Variants in ANK2 observed in about 807,000 individuals in gnomAD.
ANK2 encodes ankyrin-2.
A neutral mutation model predicts 360.5 loss-of-function variants in ANK2; 83 were observed. That is an observed-to-expected ratio of 0.23 (90% CI 0.19 to 0.28). The LOEUF is 0.28. Ranked by LOEUF, ANK2 falls within the 10% of genes least tolerant of loss-of-function variation. The pLI is 1.00. For missense variants in ANK2, 4,201 were observed against 4,795.7 expected (o/e 0.88, Z 3.66); for synonymous variants, 1,740 against 1,759.5 (o/e 0.99, Z 0.28).
chr4:113,016,008 A>G (rs1163748286), intron 2 of ANK2, among the ~76,000 whole-genome samples: 1 of 152,134 alleles, frequency 6.6e-6, no homozygotes, highest in Non-Finnish European at 1.5e-5. Flanking sequence ...GAAAATTCTC[A>G]TATGGCTTTT....
At chr4:113,325,870 C>G (rs2089536363) in intron 26 of ANK2, among the ~76,000 whole-genome samples, 1 of 152,142 alleles carries the variant, frequency 6.6e-6, no homozygotes, top group South Asian at 2.1e-4. Context: ...CCAGGTGAGG[C>G]TTCAATCTTA....
At chr4:112,845,640 G>A (rs890278871) in intron 1 of ANK2, among the ~76,000 whole-genome samples, 5 of 152,292 alleles carry the variant, frequency 3.3e-5, no homozygotes, top group East Asian at 3.9e-4. Context: ...GATGGAAATC[G>A]TGTGTCTTCT....
At chr4:113,365,291 G>T in intron 41 of ANK2, 109 bp downstream of exon 41, 1 of 1,163,378 alleles carries the variant, frequency 8.6e-7, no homozygotes. Flanking sequence ...TTTTTCAGAA[G>T]GTAGACCATG....
chr4:113,325,987 G>A lies in ANK2; in HGVS notation c.2901-4259G>A, dbSNP rs114480292. Among the ~76,000 whole-genome samples, 233 of 152,144 alleles carry A rather than the reference G, an allele frequency of 1.5e-3. 1 individual carries two copies. Among genetic ancestry groups the A allele is most frequent in the Non-Finnish European group, 2.9e-3 (195 of 67,994 alleles). On this transcript the variant is annotated intron_variant, in intron 26 of 45. Coordinates refer to ENST00000357077, the MANE Select transcript of ANK2 (RefSeq NM_001148.6). ...TTATTTTCATCTCCAAATGTTTATG[G>A]GGATTATCTTGTCCCATTTTTAATC...
chr4:113,249,917 A>G (rs1465422010), intron 10 of ANK2, 55 bp downstream of exon 10: 1 of 1,455,502 alleles, frequency 6.9e-7, no homozygotes, highest in Non-Finnish European at 9.6e-7. Flanking sequence ...TACTTGATGT[A>G]TTATCTCTAT....
At chr4:112,828,137 C>T (rs1185850829) in intron 1 of ANK2, among the ~76,000 whole-genome samples, 1 of 151,956 alleles carries the variant, frequency 6.6e-6, no homozygotes, top group African/African-American at 2.4e-5. Flanking sequence ...ATTCAATAAA[C>T]ACTGCTGGGA....
chr4:113,303,287 T>C (rs1480936727), intron 23 of ANK2, among the ~76,000 whole-genome samples: 1 of 152,262 alleles, frequency 6.6e-6, no homozygotes, highest in East Asian at 1.9e-4. Context: ...TTGGTTCATA[T>C]GTACAGAATA....
In ANK2 at chr4:113,354,469, G is replaced by A. The variant is rs201685739; in HGVS notation, c.5851G>A (p.Val1951Ile). 6 of 1,614,082 alleles carry A rather than the reference G, an allele frequency of 3.7e-6. No individual in the cohort carries two copies. The highest frequency in any genetic ancestry group is 4.2e-6 in the Non-Finnish European group (5 of 1,179,984). ...CGGAAGAACGGACAAGCACCAACCT[G>A]TATCAACAGCTGGGAAAACTGAGAA... is the stretch of plus-strand genomic sequence containing the variant. ...PSGRTDKHQP[V>I]STAGKTEKHL... Residue 1951 changes from valine (V) to isoleucine (I), a missense_variant, in exon 38 of 46, where the codon GTA becomes ATA. Physicochemically the swap from Val to Ile is conservative, Grantham distance 29. Coordinates refer to ENST00000357077, the MANE Select transcript of ANK2 (RefSeq NM_001148.6).
chr4:113,029,337 C>A (rs971217896), intron 2 of ANK2, among the ~76,000 whole-genome samples: 8 of 152,010 alleles, frequency 5.3e-5, no homozygotes, highest in African/African-American at 1.9e-4. Flanking sequence ...TGGGCTCAAG[C>A]AATTCTCCTG....
chr4:112,781,710 A>G, the ANK2 span, among the ~76,000 whole-genome samples: 1 of 152,138 alleles, frequency 6.6e-6, no homozygotes, highest in African/African-American at 2.4e-5. Flanking sequence ...CTGTCTACTT[A>G]TAAATATTGC....
In ANK2 at chr4:113,373,134, A is replaced by C. The variant is rs1198488694; in HGVS notation, c.11655A>C (p.Glu3885Asp). The change falls in exon 44 of 46, where the codon GAA (glutamate) becomes GAC (aspartate). Residue 3885 changes from glutamate to aspartate, a missense_variant. Physicochemically the swap from Glu to Asp is conservative, Grantham distance 45. Coordinates refer to ENST00000357077, the MANE Select transcript of ANK2 (RefSeq NM_001148.6). ...PEIPPETVTE[E>D]EYIDEHGHTV... ...TACCCCCAGAAACAGTCACAGAAGA[A>C]GAATACATTGATGAGCATGGACACA... The C allele has an allele frequency of 6.2e-7, 1 of 1,614,194 alleles. No homozygotes were observed. The highest frequency in any genetic ancestry group is 1.7e-5 in the Admixed American group (1 of 60,024).
chr4:113,305,106 C>T (rs2076601946), intron 23 of ANK2, among the ~76,000 whole-genome samples: 2 of 151,324 alleles, frequency 1.3e-5, no homozygotes, highest in Non-Finnish European at 2.9e-5. Context: ...TTTGGGAGGC[C>T]GAGGCGGGCG....
intron 37 of ANK2, among the ~76,000 whole-genome samples, chr4:113,351,869 G>C (rs1353204625): frequency 1.3e-5 from 2 of 152,050 alleles, no homozygotes; most frequent in Admixed American, 1.3e-4. Context: ...TCTTCATCTA[G>C]GTATAAACTA....
the ANK2 span, among the ~76,000 whole-genome samples, chr4:112,744,451 A>G: frequency 2.0e-5 from 3 of 151,296 alleles, no homozygotes; most frequent in Non-Finnish European, 2.9e-5. Flanking sequence ...GGTTCAAGCA[A>G]TTCTCCCACC....
At chr4:112,710,556 G>A in the ANK2 span, among the ~76,000 whole-genome samples, 262 of 152,142 alleles carry the variant, frequency 1.7e-3, 1 homozygote, top group African/African-American at 6.0e-3. Flanking sequence ...AAATTAGCTG[G>A]GCTTGGTGGC....
chr4:113,047,349 T>C (rs2064847245), upstream of ANK2, among the ~76,000 whole-genome samples: 2 of 152,198 alleles, frequency 1.3e-5, no homozygotes, highest in Admixed American at 1.3e-4. Context: ...AGTTCCACTG[T>C]TAGAATGTAA....
intron 26 of ANK2, among the ~76,000 whole-genome samples, chr4:113,327,845 A>C (rs1205713033): frequency 2.0e-5 from 3 of 152,200 alleles, no homozygotes; most frequent in African/African-American, 7.2e-5. Context: ...GAGGGTAACA[A>C]ATGTTGCATT....
At chr4:112,833,146 A>C (rs748783306) in intron 1 of ANK2, among the ~76,000 whole-genome samples, 5 of 152,252 alleles carry the variant, frequency 3.3e-5, no homozygotes, top group Non-Finnish European at 5.9e-5. Context: ...TAGTGAAGGA[A>C]ATTCCTTAGA....
At chr4:112,998,675 G>C (rs1343597575) in intron 2 of ANK2, among the ~76,000 whole-genome samples, 1 of 152,134 alleles carries the variant, frequency 6.6e-6, no homozygotes, top group African/African-American at 2.4e-5. Flanking sequence ...AAATAAATTT[G>C]GGAAAGTGTG....
Sources: allele counts gnomAD v4.1 joint callset (sites outside exome capture counted in the v4.1 genomes callset), GRCh38; gene constraint gnomAD v4.1.1; transcripts MANE v1.5; gene names NCBI Gene and HGNC (gene_info 2026-07-23, HGNC 2026-07-21).